Variants in SRRM3 observed in about 807,000 individuals in gnomAD.
SRRM3 encodes serine/arginine repetitive matrix protein 3.
A neutral mutation model predicts 66.2 loss-of-function variants in SRRM3; 27 were observed. The ratio of observed to expected loss-of-function variants is 0.41; its 90% CI spans 0.30 to 0.56. SRRM3 has a LOEUF of 0.56. Ranked by LOEUF, SRRM3 falls within the 20% of genes least tolerant of loss-of-function variation. The pLI, the probability that SRRM3 is intolerant of heterozygous loss-of-function variation, is 0.32. For missense variants in SRRM3, 918 were observed against 991.9 expected, an observed-to-expected ratio of 0.93 and a Z score of 1.00; for synonymous variants, 391 against 414.9, an observed-to-expected ratio of 0.94 and a Z score of 0.70.
intron 9 of SRRM3, 111 bp downstream of exon 9, chr7:76,264,926 A>G (rs1269659881): frequency 8.2e-7 from 1 of 1,212,518 alleles, no homozygotes; most frequent in Non-Finnish European, 1.2e-6. Context: ...CATTTTGCCC[A>G]GATGGAAAAA....
chr7:76,221,628 C>T (rs2116963854), intron 1 of SRRM3, among the ~76,000 whole-genome samples: 1 of 152,318 alleles, frequency 6.6e-6, no homozygotes, highest in South Asian at 2.1e-4. Context: ...CCCCAAAGTG[C>T]TGGGATTACA....
intron 11 of SRRM3, among the ~76,000 whole-genome samples, chr7:76,277,141 C>A (rs905298242): frequency 1.3e-5 from 2 of 152,142 alleles, no homozygotes; most frequent in Non-Finnish European, 2.9e-5. Flanking sequence ...AGAACTTGGT[C>A]TTCAAAAATA....
At chr7:76,230,752 C>CT (rs782632581) in intron 1 of SRRM3, among the ~76,000 whole-genome samples, 1,208 of 83,602 alleles carry the variant, frequency 0.014, 13 homozygotes, top group African/African-American at 0.049. Context: ...CTTTTACTTA[C>CT]TTTTTTTTTT....
rs782717745 is a variant in SRRM3 at position 76,251,376 on chromosome 7, C to CT, written c.335+3103dup. ...GATCACACCTGTAATCCCAGCAGCA[C>CT]TTTTTTTTTTTTTTTTGAGACGGAG... On this transcript the variant is annotated intron_variant, in intron 3 of 14. Transcript: ENST00000611745. Among the ~76,000 whole-genome samples, 384 of 142,362 alleles carry CT rather than the reference C, an allele frequency of 2.7e-3. 1 individual carries two copies. Among genetic ancestry groups the CT allele is most frequent in the Middle Eastern group, 0.011 (3 of 272 alleles). 93.4% of individuals were successfully genotyped at this position (142,362 alleles called of 152,430 possible). A position where few individuals can be genotyped will look rare whatever the true frequency, so the allele number is the denominator to read the frequency against.
intron 1 of SRRM3, 102 bp from the exon 2 acceptor site, chr7:76,234,926 A>G: frequency 4.3e-6 from 3 of 705,056 alleles, no homozygotes; most frequent in Non-Finnish European, 6.8e-6. Flanking sequence ...GATTAGAGCC[A>G]TGAGTGTGCC....
chr7:76,260,023 CCG>C lies in SRRM3; in HGVS notation c.456_457del (p.Gly153ValfsTer8). On this transcript the variant is annotated frameshift_variant, in exon 4 of 15. Coordinates refer to ENST00000611745, the MANE Select transcript of SRRM3 (RefSeq NM_001110199.3). LOFTEE classifies it high-confidence loss of function. ...GCCCGGCCTCCTGCTACCGCGGCCA[CCG>C]CGGGTACAGGTCAGCGGCCGCCGCG... ...DCPASCYRGH[R>X]GYRTKHWSSS... 3 of 1,566,106 alleles carry C rather than the reference CCG, an allele frequency of 1.9e-6. No individual in the cohort carries two copies. Among genetic ancestry groups the C allele is most frequent in the Non-Finnish European group, 2.6e-6 (3 of 1,160,890 alleles).
At chr7:76,210,822 A>G (rs1215242946) in intron 1 of SRRM3, among the ~76,000 whole-genome samples, 4 of 149,778 alleles carry the variant, frequency 2.7e-5, no homozygotes, top group African/African-American at 9.8e-5. Context: ...TTTTTTTTTG[A>G]GATGGAGTCT....
At chr7:76,258,430 G>C (rs1301459279) in intron 3 of SRRM3, among the ~76,000 whole-genome samples, 1 of 152,114 alleles carries the variant, frequency 6.6e-6, no homozygotes, top group Non-Finnish European at 1.5e-5. Context: ...AGAAATTAGA[G>C]TTTGCCGGGC....
intron 2 of SRRM3, among the ~76,000 whole-genome samples, chr7:76,247,853 T>C (rs1216069797): frequency 1.3e-5 from 2 of 152,084 alleles, no homozygotes; most frequent in Non-Finnish European, 2.9e-5. Context: ...CACCACCACA[T>C]CCGGCTAATT....
At chr7:76,282,002 AC>A (rs1391648885) in intron 12 of SRRM3, among the ~76,000 whole-genome samples, 200 bp downstream of exon 12, 7 of 87,080 alleles carry the variant, frequency 8.0e-5, no homozygotes, top group Non-Finnish European at 1.5e-4. Flanking sequence ...TCCTCACTGA[AC>A]TACCCCCCAC....
intron 1 of SRRM3, among the ~76,000 whole-genome samples, chr7:76,223,676 A>G (rs1440614851): frequency 6.6e-6 from 1 of 152,048 alleles, no homozygotes; most frequent in African/African-American, 2.4e-5. Flanking sequence ...TGCTGTCACC[A>G]CACTGGGCTT....
At chr7:76,257,902 C>T (rs1554607967) in intron 3 of SRRM3, among the ~76,000 whole-genome samples, 1 of 152,188 alleles carries the variant, frequency 6.6e-6, no homozygotes, top group East Asian at 1.9e-4. Flanking sequence ...ACGGCAGGCT[C>T]CAGGTCACAA....
chr7:76,273,073 CT>C, intron 11 of SRRM3: 1 of 152,450 alleles, frequency 6.6e-6, no homozygotes, highest in Non-Finnish European at 1.5e-5. Context: ...CTGGGGGCAC[CT>C]TTCTCTCTTC....
intron 2 of SRRM3, among the ~76,000 whole-genome samples, chr7:76,238,255 G>A (rs1554605203): frequency 6.6e-6 from 1 of 152,148 alleles, no homozygotes; most frequent in East Asian, 1.9e-4. Flanking sequence ...GACACACATG[G>A]GACTGCCCAG....
At chr7:76,227,299 A>C (rs1554603821) in intron 1 of SRRM3, among the ~76,000 whole-genome samples, 1 of 152,182 alleles carries the variant, frequency 6.6e-6, no homozygotes, top group Non-Finnish European at 1.5e-5. Flanking sequence ...TAGGGTTCAG[A>C]TTATAGCTCT....
intron 11 of SRRM3, among the ~76,000 whole-genome samples, chr7:76,277,456 G>A (rs1802376513): frequency 6.6e-6 from 1 of 152,096 alleles, no homozygotes; most frequent in African/African-American, 2.4e-5. Context: ...CACTTTAGGA[G>A]GCCAAGGCAG....
At chr7:76,249,603 G>A (rs1801523932) in intron 3 of SRRM3, among the ~76,000 whole-genome samples, 1 of 152,230 alleles carries the variant, frequency 6.6e-6, no homozygotes, top group African/African-American at 2.4e-5. Context: ...AACAGCCTGT[G>A]CCTGGGATTG....
At chr7:76,214,759 A>C (rs1046999504) in intron 1 of SRRM3, among the ~76,000 whole-genome samples, 1 of 152,054 alleles carries the variant, frequency 6.6e-6, no homozygotes, top group East Asian at 1.9e-4. Context: ...GAAGACTGAG[A>C]AACTTTCCTT....
intron 14 of SRRM3, among the ~76,000 whole-genome samples, chr7:76,283,354 G>A (rs1177274760): frequency 6.6e-6 from 1 of 152,108 alleles, no homozygotes; most frequent in Non-Finnish European, 1.5e-5. Flanking sequence ...GGGCCACGGT[G>A]GGGGCCTGAG....
Sources: gnomAD v4.1 joint callset for allele counts (sites outside exome capture counted in the v4.1 genomes callset) on GRCh38, gnomAD v4.1.1 for gene constraint, MANE v1.5 for transcripts, NCBI Gene and HGNC (gene_info 2026-07-23, HGNC 2026-07-21) for gene names.